Variants in TSPAN8 observed in about 807,000 individuals in gnomAD.
The protein encoded by TSPAN8 is tetraspanin 8, also known as tetraspanin-8.
Under a neutral mutation model 32.8 loss-of-function variants are expected in TSPAN8, and 21 were observed. The ratio of observed to expected loss-of-function variants is 0.64; its 90% CI spans 0.45 to 0.92. TSPAN8 has a LOEUF of 0.92. Among genes scored for constraint, TSPAN8 ranks in the 40% least tolerant of loss-of-function variants. The probability of loss-of-function intolerance (pLI) is 0.00; values close to 1 mark genes in which losing one functional copy is unlikely to be tolerated. For synonymous variants in TSPAN8, 95 were observed against 94.6 expected, an observed-to-expected ratio of 1.00 and a Z score of -0.03; for missense variants, 269 against 281.9, an observed-to-expected ratio of 0.95 and a Z score of 0.33.
chr12:71,141,982 G>C (rs1318094338), intron 3 of TSPAN8, among the ~76,000 whole-genome samples: 1 of 152,102 alleles, frequency 6.6e-6, no homozygotes, highest in Non-Finnish European at 1.5e-5. Flanking sequence ...GTAGAAAAAA[G>C]GGTCTTCATG....
At chr12:71,130,008 A>G (rs116830880) in intron 7 of TSPAN8, among the ~76,000 whole-genome samples, 1,735 of 147,604 alleles carry the variant, frequency 0.012, 27 homozygotes, top group African/African-American at 0.042. Context: ...GCTGGAGTGC[A>G]GAGGCGCAAT....
At chr12:71,146,094 C>T (rs1240904684) in intron 2 of TSPAN8, among the ~76,000 whole-genome samples, 1 of 152,116 alleles carries the variant, frequency 6.6e-6, no homozygotes, top group Non-Finnish European at 1.5e-5. Flanking sequence ...TTCTCAGCCA[C>T]TGAAAATTTT....
intron 3 of TSPAN8, among the ~76,000 whole-genome samples, chr12:71,143,333 A>G (rs1346625582): frequency 6.6e-6 from 1 of 151,978 alleles, no homozygotes; most frequent in Admixed American, 6.6e-5. Flanking sequence ...ATCCCCGCAC[A>G]CTCGCCCCTC....
At position 71,125,207 on chromosome 12, in the gene TSPAN8, A is replaced by T; in HGVS notation, c.*127T>A. ...TATGTCTAGAAGATATCTGTGGTCTAGCTAGCCGAGACATTTTAAAAAGAC... is the reference window on the plus strand; with the variant it reads ...TATGTCTAGAAGATATCTGTGGTCTTGCTAGCCGAGACATTTTAAAAAGAC... On this transcript the variant is annotated 3_prime_UTR_variant, in exon 9 of 9. Transcript: ENST00000247829. The T allele has an allele frequency of 1.4e-6, 1 of 713,034 alleles. No individual in the cohort carries two copies. Among genetic ancestry groups the T allele is most frequent in the Non-Finnish European group, 2.4e-6 (1 of 419,898 alleles). 44.2% of individuals were successfully genotyped at this position (713,034 alleles called of 1,614,324 possible). A position where few individuals can be genotyped will look rare whatever the true frequency, so the allele number is the denominator to read the frequency against.
intron 6 of TSPAN8, among the ~76,000 whole-genome samples, chr12:71,133,984 A>G (rs1291434289): frequency 6.6e-6 from 1 of 152,214 alleles, no homozygotes; most frequent in Non-Finnish European, 1.5e-5. Context: ...AAGATATTGA[A>G]AGAATTTTCA....
intron 3 of TSPAN8, among the ~76,000 whole-genome samples, chr12:71,143,336 C>T (rs769084301): frequency 2.3e-4 from 35 of 152,264 alleles, no homozygotes; most frequent in African/African-American, 5.3e-4. Context: ...CCCGCACACT[C>T]GCCCCTCCCT....
intron 3 of TSPAN8, among the ~76,000 whole-genome samples, chr12:71,141,102 T>C (rs1871888792): frequency 6.6e-6 from 1 of 152,202 alleles, no homozygotes; most frequent in Non-Finnish European, 1.5e-5. Flanking sequence ...AGGGTCCTAA[T>C]AAATAAGTTT....
At chr12:71,146,669 C>T (rs531886998) in intron 2 of TSPAN8, among the ~76,000 whole-genome samples, 1 of 152,304 alleles carries the variant, frequency 6.6e-6, no homozygotes, top group Admixed American at 6.5e-5. Flanking sequence ...TACCTTTCCC[C>T]TGCTTCTGGT....
intron 2 of TSPAN8, among the ~76,000 whole-genome samples, chr12:71,146,166 C>T (rs1872070405): frequency 2.0e-5 from 3 of 152,206 alleles, no homozygotes; most frequent in South Asian, 4.2e-4. Context: ...AAATATTTTG[C>T]CCAACTAATC....
chr12:71,156,039 A>C (rs540475253), intron 2 of TSPAN8, among the ~76,000 whole-genome samples: 1 of 151,864 alleles, frequency 6.6e-6, no homozygotes, highest in Admixed American at 6.6e-5. Flanking sequence ...TTGTGGTTAC[A>C]TTTTTTCAAG....
chr12:71,132,925 T>C, intron 6 of TSPAN8, 101 bp from the exon 7 acceptor site: 4 of 1,350,240 alleles, frequency 3.0e-6, no homozygotes. Context: ...TAAAGGTTAT[T>C]ATGCTAAAAT....
At chr12:71,150,501 GTCCTACTGAT>G in intron 2 of TSPAN8, among the ~76,000 whole-genome samples, 1 of 142,414 alleles carries the variant, frequency 7.0e-6, no homozygotes, top group South Asian at 2.1e-4. Context: ...GGGCATCACG[GTCCTACTGAT>G]ATGTAATGTC....
rs763510395 is a variant in TSPAN8, at chr12:71,156,268, A to AC, written c.60+1350dup. ...AGTTCTCCAAAAAAAAAAAAAAAAA[A>AC]CAAACAAAAAAAAAACTAGAAACAA... On this transcript the variant is annotated intron_variant, in intron 2 of 8. Coordinates refer to ENST00000247829, the MANE Select transcript of TSPAN8 (RefSeq NM_004616.3). Among the ~76,000 whole-genome samples, 315 of 55,748 alleles carry AC rather than the reference A, an allele frequency of 5.7e-3. 16 individuals are homozygous for AC. The highest frequency in any genetic ancestry group is 0.018 in the African/African-American group (289 of 16,026). 36.6% of individuals were successfully genotyped at this position (55,748 alleles called of 152,430 possible). A position where few individuals can be genotyped will look rare whatever the true frequency, so the allele number is the denominator to read the frequency against.
At chr12:71,146,396 C>T (rs1486253986) in intron 2 of TSPAN8, among the ~76,000 whole-genome samples, 1 of 152,094 alleles carries the variant, frequency 6.6e-6, no homozygotes, top group Admixed American at 6.6e-5. Flanking sequence ...AATTTATTTT[C>T]TATCAAGAAT....
At chr12:71,145,862 G>A (rs1872059825) in intron 2 of TSPAN8, among the ~76,000 whole-genome samples, 1 of 152,104 alleles carries the variant, frequency 6.6e-6, no homozygotes, top group Admixed American at 6.6e-5. Context: ...AATGAACCTT[G>A]TAGCTATTAT....
intron 8 of TSPAN8, among the ~76,000 whole-genome samples, chr12:71,128,934 G>A (rs1871429091): frequency 6.6e-6 from 1 of 152,084 alleles, no homozygotes; most frequent in African/African-American, 2.4e-5. Context: ...ATCAAGATGA[G>A]AAATAAGAAA....
chr12:71,144,957 T>TA (rs537190954), intron 2 of TSPAN8, among the ~76,000 whole-genome samples: 5 of 148,880 alleles, frequency 3.4e-5, no homozygotes. Flanking sequence ...ATTCAGGGTT[T>TA]AAAAAAAAAA....
intron 3 of TSPAN8, among the ~76,000 whole-genome samples, chr12:71,142,954 C>T (rs555125649): frequency 1.1e-4 from 17 of 152,086 alleles, no homozygotes; most frequent in Admixed American, 1.0e-3. Context: ...TCTTCCTTTC[C>T]ACTAGGCTGT....
At chr12:71,145,831 T>C (rs1872058746) in intron 2 of TSPAN8, among the ~76,000 whole-genome samples, 2 of 152,194 alleles carry the variant, frequency 1.3e-5, no homozygotes. Context: ...TTAATAGTCA[T>C]TCTGGCCTTC....
Sources: allele counts gnomAD v4.1 joint callset (sites outside exome capture counted in the v4.1 genomes callset), GRCh38; gene constraint gnomAD v4.1.1; transcripts MANE v1.5; gene names NCBI Gene and HGNC (gene_info 2026-07-23, HGNC 2026-07-21).